Variants in PCDHA8 observed in about 807,000 individuals in gnomAD.
PCDHA8 encodes protocadherin alpha-8.
PCDHA8 carries 53 observed loss-of-function variants against 61.8 expected under a neutral mutation model. The observed-to-expected ratio is 0.86, with a 90% confidence interval of 0.69 to 1.08. PCDHA8 has a LOEUF of 1.08. PCDHA8 is among the 50% of genes least tolerant of loss of function. The probability of loss-of-function intolerance (pLI) is 0.00; values close to 1 mark genes in which losing one functional copy is unlikely to be tolerated. For missense variants in PCDHA8, 1,293 were observed against 1,245.0 expected (o/e 1.04, Z -0.58); for synonymous variants, 618 against 556.6 (o/e 1.11, Z -1.55).
At chr5:140,884,871 A>T (rs1193714340) in intron 1 of PCDHA8, among the ~76,000 whole-genome samples, 1 of 152,210 alleles carries the variant, frequency 6.6e-6, no homozygotes, top group Non-Finnish European at 1.5e-5. Context: ...CCATAATGAA[A>T]TGTGCAAAAC....
intron 3 of PCDHA8, among the ~76,000 whole-genome samples, chr5:140,984,830 T>C (rs2097123075): frequency 6.6e-6 from 1 of 152,220 alleles, no homozygotes; most frequent in South Asian, 2.1e-4. Context: ...TTACCCTTTC[T>C]GTAAATTGGG....
chr5:141,001,849 T>C (rs889682000), intron 3 of PCDHA8, among the ~76,000 whole-genome samples: 5 of 151,704 alleles, frequency 3.3e-5, no homozygotes, highest in African/African-American at 7.3e-5. Context: ...GAGAGAGAGG[T>C]TGATTAAATT....
At position 140,851,049 on chromosome 5, in the gene PCDHA8, T is replaced by C. The variant is rs114642351; in HGVS notation, c.2394+7334T>C. 2.7e-3 allele frequency: 3,765 copies of C among 1,386,504 alleles called. 305 individuals are homozygous for C. The highest frequency in any genetic ancestry group is 3.1e-3 in the Non-Finnish European group (3,266 of 1,057,356). The allele number at this position is 1,386,504 out of a possible 1,614,324, so 85.9% of individuals were successfully genotyped here. On this transcript the variant is annotated intron_variant, in intron 1 of 3. Coordinates refer to ENST00000531613, the MANE Select transcript of PCDHA8 (RefSeq NM_018911.3). ...AACCCCTTAACATTGGAGCCGACTTTGTCTTGACTTCTAGTGAGAATTATA... is the reference window on the plus strand; with the variant it reads ...AACCCCTTAACATTGGAGCCGACTTCGTCTTGACTTCTAGTGAGAATTATA...
At chr5:140,934,547 C>A (rs2089905916) in intron 1 of PCDHA8, among the ~76,000 whole-genome samples, 1 of 152,124 alleles carries the variant, frequency 6.6e-6, no homozygotes, top group African/African-American at 2.4e-5. Flanking sequence ...CTAATTCTAT[C>A]ATTTCTTCTT....
intron 3 of PCDHA8, among the ~76,000 whole-genome samples, chr5:140,991,746 T>C (rs74524919): frequency 0.01 from 1,537 of 152,318 alleles, 24 homozygotes; most frequent in African/African-American, 0.035. Flanking sequence ...GTAGGCTCTT[T>C]CTATCATGCT....
At chr5:140,996,791 A>G (rs2153942087) in intron 3 of PCDHA8, among the ~76,000 whole-genome samples, 1 of 152,316 alleles carries the variant, frequency 6.6e-6, no homozygotes, top group Non-Finnish European at 1.5e-5. Context: ...CTCACTCCCT[A>G]CATCCAATCA....
At chr5:140,857,150 A>C in intron 1 of PCDHA8, 1 of 1,598,240 alleles carries the variant, frequency 6.3e-7, no homozygotes, top group Non-Finnish European at 8.6e-7. Context: ...GGGCACCGTC[A>C]TTGCCCTAAT....
At chr5:140,883,476 A>G (rs782692069) in intron 1 of PCDHA8, 7 of 1,614,082 alleles carry the variant, frequency 4.3e-6, no homozygotes, top group Admixed American at 3.3e-5. Flanking sequence ...ACCTACAAGA[A>G]CTACTACTCA....
intron 1 of PCDHA8, among the ~76,000 whole-genome samples, chr5:140,914,169 G>A (rs997751296): frequency 1.1e-4 from 17 of 152,140 alleles, no homozygotes; most frequent in Admixed American, 6.5e-5. Context: ...GGAAAGTGGG[G>A]TGTTGAATTC....
intron 1 of PCDHA8, chr5:140,850,770 T>C (rs2150497616): frequency 6.3e-7 from 1 of 1,598,038 alleles, no homozygotes; most frequent in Non-Finnish European, 8.6e-7. Flanking sequence ...GCAGAGGGTG[T>C]GCTCTGGCGA....
intron 1 of PCDHA8, among the ~76,000 whole-genome samples, chr5:140,922,833 T>C (rs1443634582): frequency 6.6e-6 from 1 of 152,332 alleles, no homozygotes; most frequent in Admixed American, 6.5e-5. Flanking sequence ...TGCTAATAGA[T>C]GTCCTCAAAG....
intron 1 of PCDHA8, chr5:140,927,019 T>C: frequency 6.2e-7 from 1 of 1,612,660 alleles, no homozygotes; most frequent in Non-Finnish European, 8.5e-7. Flanking sequence ...CTCCGCGGAC[T>C]TGAGGCTGCC....
At chr5:140,974,815 A>G (rs990559310) in intron 1 of PCDHA8, among the ~76,000 whole-genome samples, 3 of 152,188 alleles carry the variant, frequency 2.0e-5, no homozygotes, top group Non-Finnish European at 4.4e-5. Context: ...GAAGACCAAT[A>G]TGCAACATAA....
chr5:140,849,276 G>A, intron 1 of PCDHA8: 1 of 1,173,354 alleles, frequency 8.5e-7, no homozygotes, highest in Admixed American at 2.6e-5. Flanking sequence ...CGGAACGCTG[G>A]TGATTCACCC....
intron 1 of PCDHA8, among the ~76,000 whole-genome samples, chr5:140,920,012 G>A (rs531392984): frequency 2.6e-5 from 4 of 152,314 alleles, no homozygotes; most frequent in East Asian, 1.9e-4. Context: ...AAGGCCATGC[G>A]AAGATGGAGA....
intron 1 of PCDHA8, among the ~76,000 whole-genome samples, chr5:140,973,341 C>T (rs1323571061): frequency 6.6e-6 from 1 of 152,124 alleles, no homozygotes; most frequent in African/African-American, 2.4e-5. Flanking sequence ...TGTAAAGTGA[C>T]ATAGTAGTGA....
Position 140,848,325 on chromosome 5 carries a change from T to C in PCDHA8, c.2394+4610T>C, listed in dbSNP as rs1279729115. On this transcript the variant is annotated intron_variant, in intron 1 of 3. Transcript: ENST00000531613. Reference sequence around the variant, plus strand: ...TGTCACTCTTTGCCGCGATGTTCTCTCTGAATCCAGACAAATACAGCCCTT... The same window carrying C: ...TGTCACTCTTTGCCGCGATGTTCTCCCTGAATCCAGACAAATACAGCCCTT... The C allele has an allele frequency of 5.0e-6, 4 of 803,094 alleles. 1 individual carries two copies. The highest frequency in any genetic ancestry group is 2.0e-6 in the Non-Finnish European group (1 of 498,510). The allele number at this position is 803,094 out of a possible 1,614,324, so 49.7% of individuals were successfully genotyped here. A position where few individuals can be genotyped will look rare whatever the true frequency, so the allele number is the denominator to read the frequency against.
At chr5:140,905,021 G>A (rs1443702216) in intron 1 of PCDHA8, among the ~76,000 whole-genome samples, 1 of 152,078 alleles carries the variant, frequency 6.6e-6, no homozygotes, top group African/African-American at 2.4e-5. Flanking sequence ...TCTTTTCTAT[G>A]CAGAAGCTTT....
intron 1 of PCDHA8, among the ~76,000 whole-genome samples, chr5:140,948,690 T>C (rs1241278993): frequency 6.6e-6 from 1 of 151,592 alleles, no homozygotes; most frequent in Non-Finnish European, 1.5e-5. Context: ...TTTTTGATAT[T>C]GGTGATTTGT....
Sources: gnomAD v4.1 joint callset for allele counts (sites outside exome capture counted in the v4.1 genomes callset) on GRCh38, gnomAD v4.1.1 for gene constraint, MANE v1.5 for transcripts, NCBI Gene and HGNC (gene_info 2026-07-23, HGNC 2026-07-21) for gene names.